ROBO1: variants seen among roughly 807,000 people sequenced by gnomAD.
ROBO1 encodes the protein roundabout guidance receptor 1.
Under a neutral mutation model 195.9 loss-of-function variants are expected in ROBO1, and 149 were observed. That is an observed-to-expected ratio of 0.76 (90% CI 0.67 to 0.87). ROBO1 has a LOEUF of 0.87. Among genes scored for constraint, ROBO1 ranks in the 40% least tolerant of loss-of-function variants. The pLI, the probability that ROBO1 is intolerant of heterozygous loss-of-function variation, is 0.00. For missense variants in ROBO1, 1,933 were observed against 2,068.3 expected, an observed-to-expected ratio of 0.93 and a Z score of 1.27; for synonymous variants, 816 against 733.2, an observed-to-expected ratio of 1.11 and a Z score of -1.82.
intron 28 of ROBO1, among the ~76,000 whole-genome samples, chr3:78,613,102 A>G (rs1703913288): frequency 6.6e-6 from 1 of 152,228 alleles, no homozygotes; most frequent in Non-Finnish European, 1.5e-5. Context: ...TAACTGTGAT[A>G]CAATATTCTT....
chr3:79,378,275 A>G (rs1251511938), intron 2 of ROBO1, among the ~76,000 whole-genome samples: 1 of 151,858 alleles, frequency 6.6e-6, no homozygotes, highest in Non-Finnish European at 1.5e-5. Context: ...GCCATTCAGA[A>G]CTAACTAGTC....
At chr3:78,812,744 C>T (rs1161620419) in intron 4 of ROBO1, among the ~76,000 whole-genome samples, 1 of 152,002 alleles carries the variant, frequency 6.6e-6, no homozygotes, top group African/African-American at 2.4e-5. Flanking sequence ...GCCACTAAAA[C>T]GATACTAAAT....
chr3:78,964,813 T>G (rs1200384413), intron 3 of ROBO1, among the ~76,000 whole-genome samples: 8 of 131,582 alleles, frequency 6.1e-5, no homozygotes, highest in East Asian at 2.0e-4. Flanking sequence ...TTTTTTTTTG[T>G]TTTTTTTTTT....
chr3:79,662,986 G>A (rs996067287), intron 1 of ROBO1, among the ~76,000 whole-genome samples: 1 of 151,970 alleles, frequency 6.6e-6, no homozygotes, highest in Non-Finnish European at 1.5e-5. Context: ...TGACTGCTAG[G>A]CACACACAAA....
rs183888023 is a variant in ROBO1 at position 79,417,904 on chromosome 3, T to C, written c.88+171920A>G. Among the ~76,000 whole-genome samples, 52 of 152,258 alleles carry C rather than the reference T, an allele frequency of 3.4e-4. No individual in the cohort carries two copies. In the East Asian group the frequency reaches 7.8e-3, roughly 23 times the overall value. On this transcript the variant is annotated intron_variant, in intron 2 of 30. Coordinates refer to ENST00000464233, the MANE Select transcript of ROBO1 (RefSeq NM_002941.4). ...TCTACTCCAGCCAGGTGGCTATGCG[T>C]GTTTAAGTTATAGTTCTGGTTTTAG...
chr3:79,101,192 G>A (rs542030954), intron 3 of ROBO1, among the ~76,000 whole-genome samples: 2 of 151,804 alleles, frequency 1.3e-5, no homozygotes, highest in East Asian at 3.9e-4. Flanking sequence ...GGAGAATTGA[G>A]ATCAATACAG....
intron 28 of ROBO1, among the ~76,000 whole-genome samples, chr3:78,610,695 C>T (rs1703757830): frequency 6.6e-6 from 1 of 151,934 alleles, no homozygotes; most frequent in Non-Finnish European, 1.5e-5. Context: ...ACTAGATGTT[C>T]TAGATAGGTG....
At position 78,836,908 on chromosome 3, in the gene ROBO1, GAC is replaced by G. The variant is rs1353357568; in HGVS notation, c.500-90010_500-90009del. Among the ~76,000 whole-genome samples the G allele has an allele frequency of 2.0e-5, 3 of 152,204 alleles. No individual in the cohort carries two copies. In the East Asian group the frequency reaches 5.8e-4, roughly 29 times the overall value. Reference sequence around the variant, plus strand: ...GAAGCACAGAAAACACCTGCTGTAAGACACAGAGCAACACAAAAAGAGGTCAT... The same window carrying G: ...GAAGCACAGAAAACACCTGCTGTAAGACAGAGCAACACAAAAAGAGGTCAT... On this transcript the variant is annotated intron_variant, in intron 4 of 30. Transcript: ENST00000464233.
chr3:79,381,373 A>AAAAAGAAAAGAAAAGAAAAG (rs66481962), intron 2 of ROBO1, among the ~76,000 whole-genome samples: 8 of 115,426 alleles, frequency 6.9e-5, no homozygotes, highest in African/African-American at 2.7e-4. Context: ...AAAAAAAAAA[A>AAAAAGAAAAGAAAAGAAAAG]AAAAGAAAAG....
intron 4 of ROBO1, among the ~76,000 whole-genome samples, chr3:78,925,647 T>C (rs1377835341): frequency 6.6e-6 from 1 of 152,216 alleles, no homozygotes. Context: ...ATAATACTTT[T>C]GTGACCTGTG....
intron 1 of ROBO1, among the ~76,000 whole-genome samples, chr3:79,644,187 CAG>C (rs1945749332): frequency 6.6e-6 from 1 of 152,010 alleles, no homozygotes; most frequent in Non-Finnish European, 1.5e-5. Context: ...CACCCAACAT[CAG>C]AGTTTCCAAG....
chr3:79,606,778 A>G (rs1056301151), intron 1 of ROBO1, among the ~76,000 whole-genome samples: 3 of 151,910 alleles, frequency 2.0e-5, no homozygotes, highest in African/African-American at 7.2e-5. Context: ...TTATTATTAT[A>G]TTTTTCAAGG....
chr3:79,037,549 T>C (rs553476140), intron 3 of ROBO1, among the ~76,000 whole-genome samples: 6 of 152,292 alleles, frequency 3.9e-5, no homozygotes, highest in South Asian at 4.1e-4. Context: ...ATAAAACTTG[T>C]TGCAGAATTT....
intron 4 of ROBO1, among the ~76,000 whole-genome samples, chr3:78,798,422 TC>T (rs1484254341): frequency 1.3e-5 from 2 of 152,182 alleles, no homozygotes; most frequent in East Asian, 3.9e-4. Flanking sequence ...TTTGAGTGAT[TC>T]ATACTTTATT....
At chr3:79,438,991 G>A (rs948231465) in intron 2 of ROBO1, among the ~76,000 whole-genome samples, 3 of 151,966 alleles carry the variant, frequency 2.0e-5, no homozygotes, top group Non-Finnish European at 4.4e-5. Flanking sequence ...CAATCTTTGG[G>A]AGCTTAGAAA....
At chr3:79,672,077 C>T (rs1348545900) in intron 1 of ROBO1, among the ~76,000 whole-genome samples, 1 of 151,908 alleles carries the variant, frequency 6.6e-6, no homozygotes, top group Non-Finnish European at 1.5e-5. Flanking sequence ...ATTAATTAGA[C>T]ATTTGCATGA....
chr3:79,142,593 C>T (rs757552823), intron 2 of ROBO1, among the ~76,000 whole-genome samples: 1 of 152,116 alleles, frequency 6.6e-6, no homozygotes, highest in Non-Finnish European at 1.5e-5. Flanking sequence ...GCCTAGGTGA[C>T]TAGCAAATAT....
At chr3:78,973,328 T>C (rs1336102106) in intron 3 of ROBO1, among the ~76,000 whole-genome samples, 1 of 151,418 alleles carries the variant, frequency 6.6e-6, no homozygotes, top group Non-Finnish European at 1.5e-5. Flanking sequence ...GTTAGACCAA[T>C]ATCATCCATG....
intron 1 of ROBO1, among the ~76,000 whole-genome samples, chr3:79,763,268 T>G (rs1287975787): frequency 1.3e-5 from 2 of 151,914 alleles, no homozygotes; most frequent in Non-Finnish European, 2.9e-5. Context: ...AAGGGCAAAA[T>G]GCAGAAATAT....
Sources: gnomAD v4.1 joint callset for allele counts (sites outside exome capture counted in the v4.1 genomes callset) on GRCh38, gnomAD v4.1.1 for gene constraint, MANE v1.5 for transcripts, NCBI Gene and HGNC (gene_info 2026-07-23, HGNC 2026-07-21) for gene names.